ARHGEF10: variants seen among roughly 807,000 people sequenced by gnomAD.
ARHGEF10 encodes the protein Rho guanine nucleotide exchange factor (GEF) 10.
ARHGEF10 carries 140 observed loss-of-function variants against 147.4 expected under a neutral mutation model. The ratio of observed to expected loss-of-function variants is 0.95; its 90% CI spans 0.83 to 1.09. The LOEUF (loss-of-function observed/expected upper bound fraction) is 1.09. Ranked by LOEUF, ARHGEF10 falls within the 50% of genes least tolerant of loss-of-function variation. The probability of loss-of-function intolerance (pLI) is 0.00; values close to 1 mark genes in which losing one functional copy is unlikely to be tolerated. For missense variants in ARHGEF10, 2,222 were observed against 1,752.7 expected (o/e 1.27, Z -4.78); for synonymous variants, 902 against 695.8 (o/e 1.30, Z -4.67).
chr8:1,885,020 C>T (rs570442604), intron 10 of ARHGEF10, among the ~76,000 whole-genome samples: 3 of 152,198 alleles, frequency 2.0e-5, no homozygotes, highest in African/African-American at 4.8e-5. Flanking sequence ...CCATCTCGGT[C>T]TCCCAAAGTG....
At chr8:1,945,366 C>T in intron 26 of ARHGEF10, 115 bp from the exon 27 acceptor site, 1 of 1,278,868 alleles carries the variant, frequency 7.8e-7, no homozygotes, top group South Asian at 1.3e-5. Context: ...GGAGCAAAGC[C>T]TGCTACTGTG....
chr8:1,826,608 A>C (rs1802788013), intron 1 of ARHGEF10, among the ~76,000 whole-genome samples: 1 of 152,200 alleles, frequency 6.6e-6, no homozygotes, highest in South Asian at 2.1e-4. Flanking sequence ...TGTATGGGGA[A>C]GTGCTGCTTA....
chr8:1,906,205 A>G (rs958794462), intron 17 of ARHGEF10, among the ~76,000 whole-genome samples: 7 of 152,232 alleles, frequency 4.6e-5, no homozygotes, highest in Non-Finnish European at 1.0e-4. Flanking sequence ...TGAGATGAGG[A>G]TATGTGAGAA....
rs1196022805 is a variant in ARHGEF10, at chr8:1,896,353, G to A, written c.1461G>A (p.Leu487=). The part of the protein sequence containing the change: ...FVASFSKSMV[L]DAYSEYVNNF... ...TTCAGTTTTCTAAGTCCATGGTGCT[G>A]GATGCATACAGTGAATATGTGAACA... is the stretch of plus-strand genomic sequence containing the variant. Residue 487 remains leucine (L), a synonymous_variant, in exon 14 of 29, where the codon CTG becomes CTA. Transcript: ENST00000349830. The A allele has an allele frequency of 6.2e-7, 1 of 1,613,826 alleles. No individual in the cohort carries two copies. Among genetic ancestry groups the A allele is most frequent in the Non-Finnish European group, 8.5e-7 (1 of 1,179,820 alleles).
intron 25 of ARHGEF10, among the ~76,000 whole-genome samples, chr8:1,929,695 C>T (rs1204566452): frequency 6.6e-6 from 1 of 152,220 alleles, no homozygotes; most frequent in Non-Finnish European, 1.5e-5. Flanking sequence ...CTCGGCCTGC[C>T]TGTTTCTCCC....
intron 11 of ARHGEF10, among the ~76,000 whole-genome samples, chr8:1,891,542 G>T (rs1352251279): frequency 1.3e-5 from 2 of 152,150 alleles, no homozygotes; most frequent in African/African-American, 4.8e-5. Flanking sequence ...AGGTCAGGCT[G>T]GGCCAGGCCC....
chr8:1,921,035 C>T (rs1812248113), intron 18 of ARHGEF10, among the ~76,000 whole-genome samples: 1 of 152,198 alleles, frequency 6.6e-6, no homozygotes, highest in African/African-American at 2.4e-5. Context: ...ATCCTCCTGC[C>T]TTGGTCTCCC....
intron 26 of ARHGEF10, among the ~76,000 whole-genome samples, chr8:1,942,292 C>T (rs1814161453): frequency 6.6e-6 from 1 of 150,698 alleles, no homozygotes; most frequent in African/African-American, 2.4e-5. Context: ...CTATTAAAGG[C>T]AAGGGAACTG....
intron 18 of ARHGEF10, among the ~76,000 whole-genome samples, chr8:1,922,067 G>A (rs28414137): frequency 0.12 from 18,363 of 152,064 alleles, 1,464 homozygotes; most frequent in African/African-American, 0.22. Context: ...TCATCAGTCA[G>A]ATGGGGAGAT....
chr8:1,881,902 C>A (rs2129124658), intron 9 of ARHGEF10, among the ~76,000 whole-genome samples: 1 of 152,308 alleles, frequency 6.6e-6, no homozygotes, highest in African/African-American at 2.4e-5. Context: ...CACTCAGCGT[C>A]CAGTGGCCAG....
chr8:1,846,453 A>T (rs901762607), intron 2 of ARHGEF10, among the ~76,000 whole-genome samples: 1 of 152,254 alleles, frequency 6.6e-6, no homozygotes, highest in Admixed American at 6.5e-5. Context: ...TCCAGCAGGA[A>T]GTTACTGCGA....
chr8:1,952,798 C>T lies in ARHGEF10; in HGVS notation c.3491C>T (p.Pro1164Leu). 2 of 1,613,888 alleles carry T rather than the reference C, an allele frequency of 1.2e-6. No homozygotes were observed. The highest frequency in any genetic ancestry group is 1.7e-6 in the Non-Finnish European group (2 of 1,180,058). The change falls in exon 28 of 29, where the codon CCA becomes CTA. Residue 1164 changes from proline (P) to leucine (L), a missense_variant. Coordinates refer to ENST00000349830, the MANE Select transcript of ARHGEF10 (RefSeq NM_014629.4). ...GGAGTCCTCGTGGCCCTGCCGGTCC[C>T]ACGTCTGCAAGGGATTCCCAAAGTG... ...SLGVLVALPVPRLQGIPKVTG... is the reference protein window; with the variant it reads ...SLGVLVALPVLRLQGIPKVTG...
chr8:1,832,350 A>G (rs1213372381), intron 1 of ARHGEF10, among the ~76,000 whole-genome samples: 1 of 150,804 alleles, frequency 6.6e-6, no homozygotes, highest in African/African-American at 2.4e-5. Context: ...AGAGAGAGAC[A>G]GAGACAGGCA....
rs1160113123 is a variant in ARHGEF10, at chr8:1,888,843, G to A, written c.1182+3136G>A. ...GAGTTATGAGGAGACACTGAATAGG[G>A]TGAGGTTTGTGAGGAGACACTGAGT... On this transcript the variant is annotated intron_variant, in intron 11 of 28. Transcript: ENST00000349830. Among the ~76,000 whole-genome samples the A allele has an allele frequency of 2.6e-3, 234 of 90,510 alleles. 19 individuals are homozygous for A. The highest frequency in any genetic ancestry group is 6.5e-3 in the Middle Eastern group (1 of 154). 59.4% of individuals were successfully genotyped at this position (90,510 alleles called of 152,430 possible).
At chr8:1,833,810 C>A (rs985833699) in intron 1 of ARHGEF10, among the ~76,000 whole-genome samples, 6 of 152,260 alleles carry the variant, frequency 3.9e-5, no homozygotes, top group African/African-American at 1.4e-4. Context: ...TCCCCAGCTC[C>A]CTGTGCTGCT....
At chr8:1,875,173 G>GC (rs1807577833) in intron 7 of ARHGEF10, among the ~76,000 whole-genome samples, 1 of 90,104 alleles carries the variant, frequency 1.1e-5, no homozygotes, top group African/African-American at 4.5e-5. Flanking sequence ...TCTGGTGGGA[G>GC]AGTGCAGACA....
At chr8:1,883,433 C>T (rs1291185355) in intron 10 of ARHGEF10, among the ~76,000 whole-genome samples, 1 of 152,120 alleles carries the variant, frequency 6.6e-6, no homozygotes, top group African/African-American at 2.4e-5. Flanking sequence ...GTTTCTCCAG[C>T]TTTCTAATGT....
At chr8:1,929,256 T>C (rs557828708) in intron 24 of ARHGEF10, 30 bp from the exon 25 acceptor site, 43 of 1,608,310 alleles carry the variant, frequency 2.7e-5, no homozygotes, top group Non-Finnish European at 3.5e-5. Flanking sequence ...CGAGCAAATA[T>C]ATTTATTAGC....
intron 18 of ARHGEF10, among the ~76,000 whole-genome samples, chr8:1,910,587 G>A (rs1260152188): frequency 6.6e-6 from 1 of 152,186 alleles, no homozygotes; most frequent in Non-Finnish European, 1.5e-5. Context: ...AGCTGTTCTG[G>A]GGGGTGGTAT....
Sources: gnomAD v4.1 joint callset for allele counts (sites outside exome capture counted in the v4.1 genomes callset) on GRCh38, gnomAD v4.1.1 for gene constraint, MANE v1.5 for transcripts, NCBI Gene and HGNC (gene_info 2026-07-23, HGNC 2026-07-21) for gene names.